Variants in RAB37 observed in about 807,000 individuals in gnomAD.
RAB37 encodes ras-related protein Rab-37.
RAB37 carries 29 observed loss-of-function variants against 33.1 expected under a neutral mutation model. That is an observed-to-expected ratio of 0.88 (90% confidence interval 0.65 to 1.20). The LOEUF (loss-of-function observed/expected upper bound fraction) is 1.20, where lower values mean the gene tolerates loss of function less well. Among genes scored for constraint, RAB37 ranks in the 50% most tolerant of loss-of-function variants. The pLI, the probability that RAB37 is intolerant of heterozygous loss-of-function variation, is 0.00. For synonymous variants in RAB37, 128 were observed against 119.5 expected (o/e 1.07, Z -0.47); for missense variants, 299 against 301.1 (o/e 0.99, Z 0.05).
chr17:74,745,322 G>A lies in RAB37; in HGVS notation c.583G>A (p.Ala195Thr). 2 of 1,614,080 alleles carry A rather than the reference G, an allele frequency of 1.2e-6. No homozygotes were observed. The highest frequency in any genetic ancestry group is 1.7e-6 in the Non-Finnish European group (2 of 1,180,018). Residue 195 changes from alanine (A) to threonine (T), a missense_variant, in exon 9 of 9, where the codon GCC becomes ACC. By Grantham distance (58) the Ala-to-Thr change is moderately conservative. Transcript: ENST00000392613. The surrounding 1 kb of genome is among the most constrained non-coding windows in gnomAD (Gnocchi z 4.5). ...LAIAKELKYR[A>T]GHQADEPSFQ... ...TTCTTCAAGGGAACTGAAATACCGG[G>A]CCGGGCATCAGGCGGATGAGCCCAG...
intron 1 of RAB37, among the ~76,000 whole-genome samples, chr17:74,675,905 T>C (rs1393870796): frequency 6.6e-6 from 1 of 152,208 alleles, no homozygotes; most frequent in African/African-American, 2.4e-5. Context: ...TCATCCATCA[T>C]GTGCCTGGAG....
chr17:74,676,292 G>A lies in RAB37; in HGVS notation c.72+4634G>A, dbSNP rs1436381928. The stretch of plus-strand genomic sequence containing the variant: ...CATCCACATACCAGACTAGCTTCCA[G>A]AGGGACGAACAATTCCTAGGACAAA... On this transcript the variant is annotated intron_variant, in intron 1 of 7. Transcript: ENST00000340415. This position sits in a 1 kb window ranked among gnomAD's most constrained non-coding sequence, Gnocchi z 4.1. Among the ~76,000 whole-genome samples the A allele has an allele frequency of 1.3e-5, 2 of 152,116 alleles. No individual in the cohort carries two copies. The highest frequency in any genetic ancestry group is 2.4e-5 in the African/African-American group (1 of 41,402).
At chr17:74,695,545 C>T (rs775077035) in intron 1 of RAB37, among the ~76,000 whole-genome samples, 4 of 152,186 alleles carry the variant, frequency 2.6e-5, no homozygotes, top group African/African-American at 4.8e-5. Context: ...CCCTGTGTCC[C>T]CAGGACTGAG....
chr17:74,711,726 G>A (rs1157051255), intron 1 of RAB37, among the ~76,000 whole-genome samples: 1 of 152,074 alleles, frequency 6.6e-6, no homozygotes. Context: ...TCTCGGCTCG[G>A]ACAGGCATCT....
At position 74,745,101 on chromosome 17, in the gene RAB37, G is replaced by A. The variant is rs1420711081; in HGVS notation, c.566+17G>A. The A allele has an allele frequency of 6.2e-7, 1 of 1,613,666 alleles. No individual in the cohort carries two copies. Among genetic ancestry groups the A allele is most frequent in the Non-Finnish European group, 8.5e-7 (1 of 1,179,846 alleles). ...CATCGCCAAGTGAGAGCTGGGCAGG[G>A]AAGGGAAGTGTGCGGGGCAGGGCGG... On this transcript the variant is annotated intron_variant, in intron 8 of 8. Transcript: ENST00000392613. The surrounding 1 kb of genome is among the most constrained non-coding windows in gnomAD (Gnocchi z 4.5).
chr17:74,695,828 T>G (rs775422171), intron 1 of RAB37: 2 of 1,613,924 alleles, frequency 1.2e-6, no homozygotes, highest in South Asian at 2.2e-5. Flanking sequence ...CAGGTCTGCA[T>G]AGCAGAGGTC....
rs114098720 is a variant in RAB37 at position 74,718,650 on chromosome 17, G to A, written c.73-10606G>A. 4.1e-3 allele frequency among the ~76,000 whole-genome samples: 625 copies of A among 152,282 alleles called. 7 individuals are homozygous for A. The highest frequency in any genetic ancestry group is 0.014 in the African/African-American group (561 of 41,552). On this transcript the variant is annotated intron_variant, in intron 1 of 7. Transcript: ENST00000340415. ...CTTAGCTTTCATCAGATTCCCCAGT[G>A]CAATGCACCTCCTCAACACACACAC...
In RAB37 at chr17:74,729,192, A is replaced by G. The variant is rs961815671; in HGVS notation, c.73-64A>G. 8.7e-7 allele frequency: 1 copy of G among 1,143,138 alleles called. No individual in the cohort carries two copies. The highest frequency in any genetic ancestry group is 1.3e-6 in the Non-Finnish European group (1 of 750,626). 70.8% of individuals were successfully genotyped at this position (1,143,138 alleles called of 1,614,324 possible). ...GAAAGAATCCACTCCCACAGCCACA[A>G]GGACACCTCTGAGGCCAACTCACAT... On this transcript the variant is annotated intron_variant, in intron 1 of 7. Coordinates refer to the RAB37 transcript ENST00000340415. This position sits in a 1 kb window ranked among gnomAD's most constrained non-coding sequence, Gnocchi z 4.2.
intron 2 of RAB37, 70 bp downstream of exon 2, chr17:74,740,948 C>T (rs2034599676): frequency 8.4e-7 from 1 of 1,195,432 alleles, no homozygotes; most frequent in African/African-American, 1.5e-5. Context: ...GGGGGTTGCC[C>T]CCACCTTGCT....
intron 1 of RAB37, among the ~76,000 whole-genome samples, chr17:74,720,099 G>A (rs2144007390): frequency 6.6e-6 from 1 of 152,274 alleles, no homozygotes; most frequent in Admixed American, 6.5e-5. Flanking sequence ...CCCTTTTGCA[G>A]GTAGGAACTG....
chr17:74,728,610 T>G (rs1188176788), intron 1 of RAB37, among the ~76,000 whole-genome samples: 1 of 151,912 alleles, frequency 6.6e-6, no homozygotes, highest in Non-Finnish European at 1.5e-5. Flanking sequence ...TGTATGTTTA[T>G]GTGTGTGTGC....
Position 74,727,268 on chromosome 17 carries a change from G to A in RAB37, c.73-1988G>A, listed in dbSNP as rs577034932. ...GATCTATGGACATTGTGTTAGTCCC[G>A]GTCTTCCGAAGAGGAGATGTGAAGA... On this transcript the variant is annotated intron_variant, in intron 1 of 7. Transcript: ENST00000340415. 1.9e-4 allele frequency among the ~76,000 whole-genome samples: 29 copies of A among 152,350 alleles called. No individual in the cohort carries two copies. The East Asian group carries it at 3.7e-3, about 19-fold the overall frequency.
At chr17:74,695,850 G>A (rs751742479) in intron 1 of RAB37, 100 of 1,613,622 alleles carry the variant, frequency 6.2e-5, no homozygotes, top group Non-Finnish European at 8.1e-5. Context: ...CCCTCCAGGG[G>A]CTGCAGTACC....
At chr17:74,689,109 G>A (rs185793960) in intron 1 of RAB37, among the ~76,000 whole-genome samples, 5 of 152,166 alleles carry the variant, frequency 3.3e-5, no homozygotes, top group Admixed American at 3.3e-4. Flanking sequence ...GACCAGCCTG[G>A]CCAACATGGT....
chr17:74,697,170 C>T (rs1020881298), intron 1 of RAB37, among the ~76,000 whole-genome samples: 6 of 152,268 alleles, frequency 3.9e-5, no homozygotes, highest in African/African-American at 4.8e-5. Context: ...TCTCGAACTC[C>T]TGACCTCAAG....
intron 1 of RAB37, among the ~76,000 whole-genome samples, chr17:74,702,142 TG>T (rs994981136): frequency 5.9e-4 from 89 of 152,042 alleles, no homozygotes; most frequent in Non-Finnish European, 5.3e-4. Flanking sequence ...AGGGATTTTG[TG>T]GCAAGGTCCC....
chr17:74,689,663 G>A (rs1178339666), intron 1 of RAB37, among the ~76,000 whole-genome samples: 1 of 152,190 alleles, frequency 6.6e-6, no homozygotes, highest in African/African-American at 2.4e-5. Context: ...GCTGATCACT[G>A]TATCTGTCCT....
chr17:74,694,690 G>A (rs9906320), intron 1 of RAB37: 90,909 of 158,020 alleles, frequency 0.58, 31,536 homozygotes, highest in Non-Finnish European at 0.78. Context: ...AACAGTCACA[G>A]GTTCTGAGGA....
At position 74,743,142 on chromosome 17, in the gene RAB37, C is replaced by T. The variant is rs2034662254; in HGVS notation, c.260C>T (p.Ala87Val). The T allele has an allele frequency of 6.2e-7, 1 of 1,613,398 alleles. No homozygotes were observed. Among genetic ancestry groups the T allele is most frequent in the African/African-American group, 1.3e-5 (1 of 74,900 alleles). The change falls in exon 4 of 9, where the codon GCT (alanine) becomes GTT (valine). Residue 87 changes from alanine to valine, a missense_variant. Ala to Val is a moderately conservative substitution (Grantham distance 64). Transcript: ENST00000392613. ...ATCCCTTCCCAGATCTGGGACACCG[C>T]TGGGCAGGAACGGTTCCGAAGCGTC... The part of the protein sequence containing the change: ...VRVKLQIWDT[A>V]GQERFRSVTH...
Sources: allele counts gnomAD v4.1 joint callset (sites outside exome capture counted in the v4.1 genomes callset), GRCh38; gene constraint gnomAD v4.1.1; non-coding constraint Gnocchi (gnomAD v3.1); transcripts MANE v1.5; gene names NCBI Gene and HGNC (gene_info 2026-07-23, HGNC 2026-07-21).